Variants in PTPRD observed in about 807,000 individuals in gnomAD.
PTPRD encodes receptor-type tyrosine-protein phosphatase delta.
A neutral mutation model predicts 214.5 loss-of-function variants in PTPRD; 34 were observed. The observed-to-expected ratio is 0.16, with a 90% CI of 0.12 to 0.21. The LOEUF is 0.21. PTPRD is among the 10% of genes least tolerant of loss of function. PTPRD has a pLI of 1.00. For missense variants in PTPRD, 2,545 were observed against 2,398.7 expected (o/e 1.06, Z -1.27); for synonymous variants, 1,128 against 845.7 (o/e 1.33, Z -5.79).
chr9:10,450,360 C>G (rs1220288107), intron 2 of PTPRD, among the ~76,000 whole-genome samples: 2 of 151,858 alleles, frequency 1.3e-5, no homozygotes, highest in Non-Finnish European at 2.9e-5. Flanking sequence ...AAAATACGTG[C>G]TTAACTTCTT....
chr9:9,270,060 T>C (rs1011612592), intron 9 of PTPRD, among the ~76,000 whole-genome samples: 2 of 150,976 alleles, frequency 1.3e-5, no homozygotes, highest in African/African-American at 4.8e-5. Flanking sequence ...GGAAATTTGC[T>C]AAGAAATTAG....
intron 14 of PTPRD, among the ~76,000 whole-genome samples, chr9:8,554,988 A>G (rs2083301099): frequency 1.4e-5 from 2 of 143,704 alleles, no homozygotes; most frequent in South Asian, 4.1e-4. Flanking sequence ...GTATATATAC[A>G]CTATATATAT....
At chr9:9,652,419 T>G (rs2096385834) in intron 7 of PTPRD, among the ~76,000 whole-genome samples, 1 of 152,162 alleles carries the variant, frequency 6.6e-6, no homozygotes, top group African/African-American at 2.4e-5. Flanking sequence ...TAATGAAACG[T>G]AGGAACTTGT....
At chr9:8,403,594 C>A (rs2092672939) in intron 36 of PTPRD, among the ~76,000 whole-genome samples, 1 of 152,158 alleles carries the variant, frequency 6.6e-6, no homozygotes, top group Admixed American at 6.5e-5. Context: ...AGGGATTTAT[C>A]ATTGGAAAAA....
At chr9:10,128,681 A>G (rs2098837396) in intron 3 of PTPRD, among the ~76,000 whole-genome samples, 1 of 152,156 alleles carries the variant, frequency 6.6e-6, no homozygotes, top group Admixed American at 6.6e-5. Context: ...TTGCCATTTC[A>G]ATGCCTGTTT....
chr9:9,846,790 G>T (rs1409999662), intron 5 of PTPRD, among the ~76,000 whole-genome samples: 1 of 152,092 alleles, frequency 6.6e-6, no homozygotes, highest in Admixed American at 6.6e-5. Flanking sequence ...AACATTGAGA[G>T]CTGGAGGAAG....
At chr9:10,157,021 G>A (rs2099097717) in intron 3 of PTPRD, among the ~76,000 whole-genome samples, 3 of 152,116 alleles carry the variant, frequency 2.0e-5, no homozygotes, top group African/African-American at 7.2e-5. Flanking sequence ...GACTATGAGT[G>A]TCACTGGCTT....
At chr9:8,734,356 A>G (rs933520350) in intron 11 of PTPRD, among the ~76,000 whole-genome samples, 10 of 152,238 alleles carry the variant, frequency 6.6e-5, no homozygotes, top group Non-Finnish European at 1.3e-4. Flanking sequence ...TCCTCCATGC[A>G]GGATAAAAGT....
intron 8 of PTPRD, among the ~76,000 whole-genome samples, chr9:9,521,856 G>GA (rs1023313901): frequency 1.1e-4 from 16 of 151,792 alleles, no homozygotes; most frequent in African/African-American, 3.4e-4. Flanking sequence ...AAATACTACA[G>GA]AAAAAAAATG....
chr9:10,064,950 C>T (rs565315), intron 3 of PTPRD, among the ~76,000 whole-genome samples: 40,726 of 151,802 alleles, frequency 0.27, 10,792 homozygotes, highest in African/African-American at 0.69. Context: ...CAGTGACTTT[C>T]CTAAAATTTC....
At chr9:8,679,794 G>C (rs1439953992) in intron 12 of PTPRD, among the ~76,000 whole-genome samples, 8 of 151,484 alleles carry the variant, frequency 5.3e-5, no homozygotes, top group East Asian at 1.9e-4. Flanking sequence ...TCTTCCACTA[G>C]TCATTACAAC....
intron 9 of PTPRD, among the ~76,000 whole-genome samples, chr9:9,351,476 G>A (rs183086583): frequency 3.0e-4 from 46 of 152,002 alleles, no homozygotes; most frequent in African/African-American, 5.8e-4. Flanking sequence ...TCTACAAAAC[G>A]CAAAGGACAC....
chr9:9,466,653 T>C (rs1215859614), intron 8 of PTPRD, among the ~76,000 whole-genome samples: 1 of 152,214 alleles, frequency 6.6e-6, no homozygotes, highest in Non-Finnish European at 1.5e-5. Context: ...GGATATTCTG[T>C]ATGGATAGAC....
chr9:9,341,209 C>T (rs2046663340), intron 9 of PTPRD, among the ~76,000 whole-genome samples: 1 of 151,802 alleles, frequency 6.6e-6, no homozygotes. Context: ...TGGTGTTTTT[C>T]CTGGCCCCAC....
intron 3 of PTPRD, among the ~76,000 whole-genome samples, chr9:10,246,001 A>C (rs865791143): frequency 6.6e-6 from 1 of 152,196 alleles, no homozygotes; most frequent in Admixed American, 6.6e-5. Context: ...AAACCACATT[A>C]GGAAATAAAA....
At chr9:8,775,842 GA>G (rs5896257) in intron 11 of PTPRD, among the ~76,000 whole-genome samples, 64 of 146,560 alleles carry the variant, frequency 4.4e-4, no homozygotes, top group East Asian at 1.2e-3. Context: ...TTTGAAAATG[GA>G]AAAAAAAAAA....
At chr9:9,970,226 G>C (rs1014453407) in intron 4 of PTPRD, among the ~76,000 whole-genome samples, 1 of 151,832 alleles carries the variant, frequency 6.6e-6, no homozygotes, top group African/African-American at 2.4e-5. Context: ...CGAGGTGGGC[G>C]GATCACGAGG....
intron 3 of PTPRD, among the ~76,000 whole-genome samples, chr9:10,060,808 CTTTCTTTCTTTCTTT>C (rs2097753360): frequency 9.1e-6 from 1 of 109,470 alleles, no homozygotes; most frequent in Non-Finnish European, 1.8e-5. Context: ...TTCTTCCTTT[CTTTCTTTCTTTCTTT>C]CTTTCTTCCT....
At chr9:8,322,338 C>T (rs776053006) in intron 44 of PTPRD, among the ~76,000 whole-genome samples, 1 of 152,148 alleles carries the variant, frequency 6.6e-6, no homozygotes, top group Admixed American at 6.5e-5. Flanking sequence ...CTAGGCCTCT[C>T]GCACCAAACA....
Sources: gnomAD v4.1 joint callset for allele counts (sites outside exome capture counted in the v4.1 genomes callset) on GRCh38, gnomAD v4.1.1 for gene constraint, MANE v1.5 for transcripts, NCBI Gene and HGNC (gene_info 2026-07-23, HGNC 2026-07-21) for gene names.